DLG2: variants seen among roughly 807,000 people sequenced by gnomAD.
DLG2 encodes the protein discs large MAGUK scaffold protein 2.
DLG2 carries 45 observed loss-of-function variants against 132.5 expected under a neutral mutation model. The ratio of observed to expected loss-of-function variants is 0.34; its 90% CI spans 0.27 to 0.44. DLG2 has a LOEUF of 0.44. Among genes scored for constraint, DLG2 ranks in the 20% least tolerant of loss-of-function variants. DLG2 has a pLI of 1.00. For missense variants in DLG2, 1,045 were observed against 1,196.9 expected, an observed-to-expected ratio of 0.87 and a Z score of 1.87; for synonymous variants, 424 against 419.6, an observed-to-expected ratio of 1.01 and a Z score of -0.13.
chr11:83,759,392 A>ACAGC lies in DLG2; in HGVS notation c.1825+27294_1825+27297dup, dbSNP rs1175905758. On this transcript the variant is annotated intron_variant, in intron 18 of 27. Transcript: ENST00000376104. ...AGTACCTGCGGTGAATAGCAAGGGAACAGCCGTTCAGATGGGGGGCATCCA... is the reference window on the plus strand; with the variant it reads ...AGTACCTGCGGTGAATAGCAAGGGAACAGCCAGCCGTTCAGATGGGGGGCATCCA... Among the ~76,000 whole-genome samples, 4 of 152,218 alleles carry ACAGC rather than the reference A, an allele frequency of 2.6e-5. No homozygotes were observed. In the East Asian group the frequency reaches 7.7e-4, roughly 29 times the overall value.
At chr11:83,936,699 T>G (rs1252840453) in intron 14 of DLG2, among the ~76,000 whole-genome samples, 1 of 152,192 alleles carries the variant, frequency 6.6e-6, no homozygotes, top group East Asian at 1.9e-4. Flanking sequence ...CTTTATTTCC[T>G]TAAAAAGTGT....
At chr11:83,960,520 A>G (rs2088342233) in intron 14 of DLG2, among the ~76,000 whole-genome samples, 1 of 152,092 alleles carries the variant, frequency 6.6e-6, no homozygotes, top group Non-Finnish European at 1.5e-5. Context: ...TTGATTACAA[A>G]ATATATAATC....
intron 18 of DLG2, among the ~76,000 whole-genome samples, chr11:83,664,011 G>A (rs571653942): frequency 3.0e-4 from 46 of 152,292 alleles, no homozygotes; most frequent in Middle Eastern, 3.4e-3. Flanking sequence ...AACATTGGGC[G>A]AGCTGTTTCT....
intron 3 of DLG2, among the ~76,000 whole-genome samples, chr11:85,308,616 T>C (rs138499501): frequency 2.6e-5 from 4 of 152,344 alleles, no homozygotes; most frequent in Non-Finnish European, 4.4e-5. Context: ...AGTGTAATGA[T>C]GATGGCCAGA....
chr11:85,295,196 A>G (rs1185141569), intron 3 of DLG2, among the ~76,000 whole-genome samples: 1 of 152,142 alleles, frequency 6.6e-6, no homozygotes, highest in South Asian at 2.1e-4. Flanking sequence ...TTTTTACCTC[A>G]CAAAGATTTA....
At chr11:84,628,125 C>T (rs1022491325) in intron 6 of DLG2, among the ~76,000 whole-genome samples, 4 of 143,628 alleles carry the variant, frequency 2.8e-5, no homozygotes, top group Non-Finnish European at 6.2e-5. Flanking sequence ...TATATATATA[C>T]ACACATATAG....
intron 6 of DLG2, among the ~76,000 whole-genome samples, chr11:84,834,912 A>T (rs1893726): frequency 0.28 from 42,675 of 151,356 alleles, 6,560 homozygotes; most frequent in African/African-American, 0.38. Flanking sequence ...TGAAAAAAAA[A>T]AATTTTTGGG....
At chr11:85,094,008 C>T (rs551133497) in intron 6 of DLG2, among the ~76,000 whole-genome samples, 1 of 152,332 alleles carries the variant, frequency 6.6e-6, no homozygotes, top group East Asian at 1.9e-4. Context: ...AGCTATCCTG[C>T]ATACAACTGA....
chr11:84,169,257 T>C (rs1194405528), intron 8 of DLG2, among the ~76,000 whole-genome samples: 2 of 152,182 alleles, frequency 1.3e-5, no homozygotes, highest in Non-Finnish European at 2.9e-5. Flanking sequence ...CAGTTTCTAC[T>C]TCATAAAATT....
At chr11:85,493,250 A>G (rs971157646) in intron 3 of DLG2, among the ~76,000 whole-genome samples, 1 of 152,192 alleles carries the variant, frequency 6.6e-6, no homozygotes, top group African/African-American at 2.4e-5. Flanking sequence ...GCATTTTCAA[A>G]TAAGTAGAAG....
intron 6 of DLG2, among the ~76,000 whole-genome samples, chr11:85,050,158 C>T (rs920978082): frequency 9.5e-6 from 1 of 105,176 alleles, no homozygotes; most frequent in African/African-American, 3.8e-5. Flanking sequence ...ACACACACTG[C>T]ACACATACAT....
At chr11:83,904,238 C>T (rs2074179439) in intron 15 of DLG2, among the ~76,000 whole-genome samples, 2 of 152,020 alleles carry the variant, frequency 1.3e-5, no homozygotes, top group Non-Finnish European at 2.9e-5. Flanking sequence ...CAAAATGGCA[C>T]ATAATTTAAA....
Position 83,497,559 on chromosome 11 carries a change from A to G in DLG2, c.2194-13331T>C, listed in dbSNP as rs985923888. 7.9e-5 allele frequency among the ~76,000 whole-genome samples: 12 copies of G among 151,914 alleles called. No homozygotes were observed. The East Asian group carries it at 2.1e-3, about 27-fold the overall frequency. On this transcript the variant is annotated intron_variant, in intron 21 of 27. Coordinates refer to ENST00000376104, the MANE Select transcript of DLG2 (RefSeq NM_001142699.3). ...CAAAAACAAAAAACAAAAAACAAAA[A>G]ACAAAACAAAACCCACATAGTTTCT...
rs199612260 is a variant in DLG2 at position 83,929,083 on chromosome 11, A to T, written c.1496+1245T>A. Among the ~76,000 whole-genome samples the T allele has an allele frequency of 9.4e-5, 9 of 95,730 alleles. No individual in the cohort carries two copies. In the African/African-American group the frequency reaches 1.0e-3, roughly 11 times the overall value. 62.8% of individuals were successfully genotyped at this position (95,730 alleles called of 152,430 possible). On this transcript the variant is annotated intron_variant, in intron 15 of 27. Coordinates refer to ENST00000376104, the MANE Select transcript of DLG2 (RefSeq NM_001142699.3). ...TAGACTTTAATTATTGCAAATTAATAAAAAAATGCCCTAGCTGATTTACAT... is the reference window on the plus strand; with the variant it reads ...TAGACTTTAATTATTGCAAATTAATTAAAAAATGCCCTAGCTGATTTACAT...
chr11:84,705,128 A>G (rs1053700754), intron 6 of DLG2, among the ~76,000 whole-genome samples: 1 of 151,678 alleles, frequency 6.6e-6, no homozygotes, highest in African/African-American at 2.4e-5. Flanking sequence ...GAAGCATTCA[A>G]AGTAGTTTAA....
chr11:85,486,407 C>T (rs1292005552), intron 3 of DLG2, among the ~76,000 whole-genome samples: 1 of 152,208 alleles, frequency 6.6e-6, no homozygotes, highest in Admixed American at 6.5e-5. Flanking sequence ...TGGAAATCAC[C>T]CTGCCTCTGC....
At chr11:83,857,011 G>T (rs1307433908) in intron 16 of DLG2, among the ~76,000 whole-genome samples, 1 of 152,272 alleles carries the variant, frequency 6.6e-6, no homozygotes, top group East Asian at 1.9e-4. Context: ...TCTGGTATAA[G>T]AAAGGAGTAC....
intron 3 of DLG2, among the ~76,000 whole-genome samples, chr11:85,478,842 C>A (rs529210241): frequency 6.6e-6 from 1 of 152,184 alleles, no homozygotes; most frequent in East Asian, 1.9e-4. Flanking sequence ...AATAAGTCAA[C>A]AAAAATTGTG....
rs985397371 is a variant in DLG2 at position 83,722,133 on chromosome 11, T to C, written c.1825+64557A>G. Among the ~76,000 whole-genome samples, 4 of 152,318 alleles carry C rather than the reference T, an allele frequency of 2.6e-5. No individual in the cohort carries two copies. The East Asian group carries it at 7.7e-4, about 29-fold the overall frequency. Reference sequence around the variant, plus strand: ...GCATACTAATAAAATATTATTTTACTATTTTTTATTTCCCTATATATCTAA... The same window carrying C: ...GCATACTAATAAAATATTATTTTACCATTTTTTATTTCCCTATATATCTAA... On this transcript the variant is annotated intron_variant, in intron 18 of 27. Coordinates refer to ENST00000376104, the MANE Select transcript of DLG2 (RefSeq NM_001142699.3).
Sources: allele counts gnomAD v4.1 joint callset (sites outside exome capture counted in the v4.1 genomes callset), GRCh38; gene constraint gnomAD v4.1.1; transcripts MANE v1.5; gene names NCBI Gene and HGNC (gene_info 2026-07-23, HGNC 2026-07-21).